TPM2: variants seen among roughly 807,000 people sequenced by gnomAD.
TPM2 encodes the protein tropomyosin 2, also known as tropomyosin beta chain.
Under a neutral mutation model 41.0 loss-of-function variants are expected in TPM2, and 26 were observed. The observed-to-expected ratio is 0.63, with a 90% CI of 0.46 to 0.88. The LOEUF is 0.88. TPM2 is among the 40% of genes least tolerant of loss of function. TPM2 has a pLI of 0.00. For synonymous variants in TPM2, 143 were observed against 139.3 expected (o/e 1.03, Z -0.19); for missense variants, 187 against 355.2 (o/e 0.53, Z 3.81).
chr9:35,689,949 C>A (rs1310919911), upstream of TPM2: 21 of 1,573,100 alleles, frequency 1.3e-5, no homozygotes, highest in East Asian at 4.5e-4. Flanking sequence ...CACGCGGGCG[C>A]CTAAAAGGCG....
chr9:35,682,583 C>G, downstream of TPM2: 1 of 1,253,896 alleles, frequency 8.0e-7, no homozygotes, highest in Admixed American at 2.9e-5. Flanking sequence ...AGCTCCATTC[C>G]AGACCTTTTG....
At position 35,685,688 on chromosome 9, in the gene TPM2, C is replaced by T. The variant is rs1824864144; in HGVS notation, c.333G>A (p.Gln111=). 3 of 1,614,200 alleles carry T rather than the reference C, an allele frequency of 1.9e-6. No individual in the cohort carries two copies. The highest frequency in any genetic ancestry group is 2.5e-6 in the Non-Finnish European group (3 of 1,180,036). Residue 111 remains glutamine (Q), a synonymous_variant, in exon 3 of 9, where the codon CAG becomes CAA. Coordinates refer to ENST00000645482, the MANE Select transcript of TPM2 (RefSeq NM_003289.4). This position sits in a 1 kb window ranked among gnomAD's most constrained non-coding sequence, Gnocchi z 5.0. The part of the protein sequence containing the change: ...RAQERLATAL[Q]KLEEAEKAAD... ...CCGCCTTCTCGGCCTCCTCCAGCTTCTGCAGGGCTGTAGCCAGGCGCTCCT... is the reference window on the plus strand; with the variant it reads ...CCGCCTTCTCGGCCTCCTCCAGCTTTTGCAGGGCTGTAGCCAGGCGCTCCT...
At chr9:35,687,867 G>A (rs148675382) in intron 2 of TPM2, among the ~76,000 whole-genome samples, 64 of 152,192 alleles carry the variant, frequency 4.2e-4, no homozygotes, top group African/African-American at 1.4e-3. Flanking sequence ...TCCCAGTTAC[G>A]GGGGCGGCTC....
intron 2 of TPM2, among the ~76,000 whole-genome samples, chr9:35,687,798 G>A (rs1825009940): frequency 6.6e-6 from 1 of 152,104 alleles, no homozygotes; most frequent in African/African-American, 2.4e-5. Context: ...GAAAGTTTGG[G>A]AAGTCCTGGG....
At chr9:35,681,995 G>T, downstream of TPM2, 1 of 1,427,368 alleles carries the variant, frequency 7.0e-7, no homozygotes, top group Non-Finnish European at 9.9e-7. Context: ...ACCAAAGAAA[G>T]GATTAAAGGG....
At chr9:35,682,901 C>T (rs1824654394), downstream of TPM2, 1 of 1,485,408 alleles carries the variant, frequency 6.7e-7, no homozygotes, top group Non-Finnish European at 9.0e-7. Context: ...GATAGAGGTG[C>T]TCTCTGGAGG....
chr9:35,684,833 G>GA (rs1824787617), intron 5 of TPM2, 26 bp from the exon 6 acceptor site: 2 of 1,613,462 alleles, frequency 1.2e-6, no homozygotes, highest in East Asian at 2.2e-5. Context: ...GGCGGGGGGG[G>GA]CAGGGTGTGA....
chr9:35,682,808 G>GT (rs1345709471), downstream of TPM2: 154 of 1,369,422 alleles, frequency 1.1e-4, no homozygotes, highest in Non-Finnish European at 1.5e-4. Flanking sequence ...GGGCCATGGT[G>GT]TTTTGTGGGT....
downstream of TPM2, chr9:35,682,757 A>G (rs1271619516): frequency 7.6e-7 from 1 of 1,318,360 alleles, no homozygotes; most frequent in Non-Finnish European, 1.0e-6. Flanking sequence ...TGAATCAGAG[A>G]GCGACAGCCA....
rs754752494 is a variant in TPM2, at chr9:35,685,707, C to T, written c.314G>A (p.Arg105His). ...VEEELDRAQERLATALQKLEE... is the reference protein window; with the variant it reads ...VEEELDRAQEHLATALQKLEE... Reference sequence around the variant, plus strand: ...CAGCTTCTGCAGGGCTGTAGCCAGGCGCTCCTGGGCCCGGTCCAGCTCCTC... The same window carrying T: ...CAGCTTCTGCAGGGCTGTAGCCAGGTGCTCCTGGGCCCGGTCCAGCTCCTC... Residue 105 changes from arginine to histidine, a missense_variant, in exon 3 of 9, where the codon CGC becomes CAC. Physicochemically the swap from Arg to His is conservative, Grantham distance 29. Transcript: ENST00000645482. The surrounding 1 kb of genome is among the most constrained non-coding windows in gnomAD (Gnocchi z 5.0). 1.9e-6 allele frequency: 3 copies of T among 1,614,138 alleles called. No individual in the cohort carries two copies. The highest frequency in any genetic ancestry group is 1.3e-5 in the African/African-American group (1 of 75,030).
downstream of TPM2, chr9:35,682,356 G>T: frequency 2.1e-6 from 2 of 944,788 alleles, no homozygotes; most frequent in Non-Finnish European, 3.2e-6. Context: ...GGACGTGGAT[G>T]CCTCACTCAA....
intron 2 of TPM2, among the ~76,000 whole-genome samples, chr9:35,686,732 T>C (rs546087725): frequency 1.7e-4 from 26 of 151,422 alleles, no homozygotes; most frequent in African/African-American, 6.1e-4. Flanking sequence ...GGCAGGCCTA[T>C]AAGGAATACC....
chr9:35,684,037 A>T (rs1401989538), intron 8 of TPM2: 2 of 603,226 alleles, frequency 3.3e-6, no homozygotes, highest in Admixed American at 5.3e-5. Context: ...ATTCTCATGC[A>T]TGCTGAAGTT....
At chr9:35,689,598 T>C in intron 1 of TPM2, 106 bp downstream of exon 1, 1 of 1,582,896 alleles carries the variant, frequency 6.3e-7, no homozygotes, top group Non-Finnish European at 8.6e-7. Flanking sequence ...CCACCCTGGG[T>C]GAGAGAGAGC....
intron 8 of TPM2, 140 bp downstream of exon 8, chr9:35,684,106 G>A: frequency 1.3e-6 from 1 of 796,362 alleles, no homozygotes; most frequent in East Asian, 2.6e-5. Context: ...TTGTAGACAT[G>A]GCCCACAGAG....
chr9:35,684,951 A>AG (rs1824799618), intron 5 of TPM2, 144 bp from the exon 6 acceptor site: 1 of 1,611,620 alleles, frequency 6.2e-7, no homozygotes, highest in African/African-American at 1.3e-5. Context: ...CAGAAGCCCC[A>AG]GGCCCTTCCT....
chr9:35,689,412 A>G (rs889870931), intron 1 of TPM2, 141 bp from the exon 2 acceptor site: 2 of 1,474,140 alleles, frequency 1.4e-6, no homozygotes, highest in Non-Finnish European at 1.8e-6. Flanking sequence ...AGTACAGTCA[A>G]GGGTACTGGT....
Position 35,684,217 on chromosome 9 carries a change from GTGGACCTACTT to G in TPM2, c.772+18_772+28del. 6.2e-7 allele frequency: 1 copy of G among 1,606,198 alleles called. No homozygotes were observed. Among genetic ancestry groups the G allele is most frequent in the Non-Finnish European group, 8.5e-7 (1 of 1,172,756 alleles). On this transcript the variant is annotated intron_variant, in intron 8 of 8. Coordinates refer to ENST00000645482, the MANE Select transcript of TPM2 (RefSeq NM_003289.4). ...GGACAGACTGATAATCACGGCAGGT[GTGGACCTACTT>G]ATAAAGGCTTCTTTTACCTTCTAGG...
In TPM2 at chr9:35,685,059, A is replaced by C. The variant is rs1001835124; in HGVS notation, c.563+210T>G. Reference sequence around the variant, plus strand: ...TTGCCCAGAAAGGTTCAGAGGGGTCACTACCTCCTCCTCTGAGGCCATCAG... The same window carrying C: ...TTGCCCAGAAAGGTTCAGAGGGGTCCCTACCTCCTCCTCTGAGGCCATCAG... On this transcript the variant is annotated intron_variant, in intron 5 of 8. Transcript: ENST00000645482. This position sits in a 1 kb window ranked among gnomAD's most constrained non-coding sequence, Gnocchi z 5.0. The C allele has an allele frequency of 9.3e-6, 15 of 1,614,058 alleles. No individual in the cohort carries two copies. The highest frequency in any genetic ancestry group is 1.3e-5 in the Non-Finnish European group (15 of 1,180,036).
Sources: allele counts gnomAD v4.1 joint callset (sites outside exome capture counted in the v4.1 genomes callset), GRCh38; gene constraint gnomAD v4.1.1; non-coding constraint Gnocchi (gnomAD v3.1); transcripts MANE v1.5; gene names NCBI Gene and HGNC (gene_info 2026-07-23, HGNC 2026-07-21).